The following MAP3K2 variants were observed in gnomAD, a reference collection of about 807,000 sequenced individuals.
MAP3K2 encodes the protein MAP/ERK kinase kinase 2.
MAP3K2 carries 24 observed loss-of-function variants against 80.3 expected under a neutral mutation model. The observed-to-expected ratio is 0.30, with a 90% CI of 0.22 to 0.42. The LOEUF is 0.42. Ranked by LOEUF, MAP3K2 falls within the 10% of genes least tolerant of loss-of-function variation. The pLI is 1.00. For synonymous variants in MAP3K2, 244 were observed against 253.7 expected, an observed-to-expected ratio of 0.96 and a Z score of 0.36; for missense variants, 608 against 750.1, an observed-to-expected ratio of 0.81 and a Z score of 2.21.
intron 1 of MAP3K2, among the ~76,000 whole-genome samples, chr2:127,385,784 CTTTAT>C (rs1687334771): frequency 6.6e-6 from 1 of 152,178 alleles, no homozygotes; most frequent in Non-Finnish European, 1.5e-5. Flanking sequence ...TCAAACATGA[CTTTAT>C]TTTAATACAG....
chr2:127,315,525 T>G (rs896262779), intron 14 of MAP3K2, among the ~76,000 whole-genome samples: 1 of 152,216 alleles, frequency 6.6e-6, no homozygotes, highest in Admixed American at 6.5e-5. Context: ...TGCAATTCTG[T>G]GGACCCAAAT....
intron 1 of MAP3K2, among the ~76,000 whole-genome samples, chr2:127,375,897 C>T (rs1034294863): frequency 2.0e-5 from 3 of 151,826 alleles, no homozygotes; most frequent in African/African-American, 4.9e-5. Context: ...ATATAGGTCA[C>T]TCCTTGATTG....
rs777020224 is a variant in MAP3K2, at chr2:127,371,252, GAAC to G, written c.-66+16197_-66+16199del. On this transcript the variant is annotated intron_variant, in intron 1 of 16. Coordinates refer to ENST00000682094, the MANE Select transcript of MAP3K2 (RefSeq NM_001371910.2). ...GAGGGCAGAATACGATGAGTTGTGC[GAAC>G]AACAAGCCAACCAGAACGAGGTGGC... 4.6e-5 allele frequency among the ~76,000 whole-genome samples: 7 copies of G among 152,236 alleles called. No homozygotes were observed. In the East Asian group the frequency reaches 1.4e-3, roughly 29 times the overall value.
chr2:127,317,752 A>G lies in MAP3K2; in HGVS notation c.1203T>C (p.Asn401=). 1.2e-6 allele frequency: 2 copies of G among 1,600,536 alleles called. No individual in the cohort carries two copies. The highest frequency in any genetic ancestry group is 1.7e-6 in the Non-Finnish European group (2 of 1,173,054). ...PDSPETSKEV[N]ALECEIQLLK... is the part of the protein sequence containing the mutation. ...GCAACTGAATTTCACACTCAAGTGC[A>G]TTTACTTCCTGAAAGAGAGAATTCA... Residue 401 remains asparagine, a synonymous_variant, in exon 14 of 17, where the codon AAT becomes AAC. Coordinates refer to ENST00000682094, the MANE Select transcript of MAP3K2 (RefSeq NM_001371910.2).
At chr2:127,347,296 T>C (rs1258868679) in intron 1 of MAP3K2, among the ~76,000 whole-genome samples, 2 of 152,028 alleles carry the variant, frequency 1.3e-5, no homozygotes, top group Non-Finnish European at 2.9e-5. Context: ...GAAGTAAAAC[T>C]ATACCCATTT....
intron 15 of MAP3K2, among the ~76,000 whole-genome samples, chr2:127,309,365 A>G (rs1465674630): frequency 1.3e-5 from 2 of 152,196 alleles, no homozygotes; most frequent in Admixed American, 6.5e-5. Flanking sequence ...CTTTTATAAT[A>G]AACTTTTTAG....
At chr2:127,329,486 A>G (rs1573986970) in intron 7 of MAP3K2, among the ~76,000 whole-genome samples, 1 of 151,816 alleles carries the variant, frequency 6.6e-6, no homozygotes, top group African/African-American at 2.4e-5. Flanking sequence ...CCTCCTGAGT[A>G]GCTGGGACTA....
At chr2:127,376,633 A>T (rs1415483175) in intron 1 of MAP3K2, among the ~76,000 whole-genome samples, 1 of 152,152 alleles carries the variant, frequency 6.6e-6, no homozygotes, top group Admixed American at 6.5e-5. Context: ...GGATGACAAA[A>T]ATGTTGAGCT....
chr2:127,317,928 T>C (rs1685938812), intron 13 of MAP3K2, among the ~76,000 whole-genome samples, 168 bp from the exon 14 acceptor site: 1 of 151,960 alleles, frequency 6.6e-6, no homozygotes, highest in South Asian at 2.1e-4. Flanking sequence ...GATGATATGC[T>C]AAAGCAACAC....
chr2:127,300,806 T>C lies in MAP3K2; in HGVS notation c.*6773A>G, dbSNP rs540275025. 1 of 152,210 alleles carries C rather than the reference T, an allele frequency of 6.6e-6. No homozygotes were observed. Among genetic ancestry groups the C allele is most frequent in the Non-Finnish European group, 1.5e-5 (1 of 68,018 alleles). 9.4% of individuals were successfully genotyped at this position (152,210 alleles called of 1,614,324 possible). ...TGCCCATAAGCCTCTCCAGCTCAAA[T>C]GTTTCAACTAGTCCTCTCTTCTTAT... On this transcript the variant is annotated 3_prime_UTR_variant, in exon 17 of 17. Transcript: ENST00000682094.
In MAP3K2 at chr2:127,387,568, AG is replaced by A. The variant is rs1687392321; in HGVS notation, c.-183del. On this transcript the variant is annotated 5_prime_UTR_variant, in exon 1 of 17. Coordinates refer to ENST00000682094, the MANE Select transcript of MAP3K2 (RefSeq NM_001371910.2). Reference sequence around the variant, plus strand: ...GCGGCCCCAGGTCGGGGGCTGCCGCAGGGCCCCCGGGGACCGGAGGGGCGCG... The same window carrying A: ...GCGGCCCCAGGTCGGGGGCTGCCGCAGGCCCCCGGGGACCGGAGGGGCGCG... The A allele has an allele frequency of 1.0e-6, 1 of 984,696 alleles. No homozygotes were observed. The highest frequency in any genetic ancestry group is 1.2e-6 in the Non-Finnish European group (1 of 829,666). 61.0% of individuals were successfully genotyped at this position (984,696 alleles called of 1,614,324 possible).
At chr2:127,353,439 G>T (rs570136187) in intron 1 of MAP3K2, among the ~76,000 whole-genome samples, 7 of 151,850 alleles carry the variant, frequency 4.6e-5, no homozygotes, top group African/African-American at 1.5e-4. Flanking sequence ...CCCCGTCTGA[G>T]AAGTGAGGAG....
intron 1 of MAP3K2, among the ~76,000 whole-genome samples, chr2:127,343,473 C>G (rs1686538637): frequency 6.6e-6 from 1 of 152,116 alleles, no homozygotes; most frequent in African/African-American, 2.4e-5. Flanking sequence ...CAGGAACTCT[C>G]CTGAAATCCA....
intron 1 of MAP3K2, among the ~76,000 whole-genome samples, chr2:127,368,918 T>G (rs1427427055): frequency 6.6e-6 from 1 of 151,996 alleles, no homozygotes; most frequent in Middle Eastern, 3.4e-3. Flanking sequence ...GCTTGTTGAA[T>G]TGTGACTAGT....
At chr2:127,367,731 T>C (rs1395937998) in intron 1 of MAP3K2, among the ~76,000 whole-genome samples, 2 of 152,066 alleles carry the variant, frequency 1.3e-5, no homozygotes, top group African/African-American at 2.4e-5. Context: ...AGGCGGACGT[T>C]GTGGTGAGCC....
intron 15 of MAP3K2, among the ~76,000 whole-genome samples, chr2:127,313,568 G>T (rs550716664): frequency 6.6e-6 from 1 of 152,126 alleles, no homozygotes; most frequent in Non-Finnish European, 1.5e-5. Flanking sequence ...CTGGGAGCTC[G>T]TAAGAGTCCC....
intron 1 of MAP3K2, among the ~76,000 whole-genome samples, chr2:127,371,182 A>G (rs1376936722): frequency 1.3e-5 from 2 of 152,236 alleles, no homozygotes; most frequent in Admixed American, 6.5e-5. Context: ...GGGACTGGTC[A>G]GTGCTAGCTA....
intron 1 of MAP3K2, among the ~76,000 whole-genome samples, chr2:127,369,022 A>G (rs901844662): frequency 1.3e-5 from 2 of 151,828 alleles, no homozygotes; most frequent in Admixed American, 1.3e-4. Context: ...ATCTCGGCTC[A>G]CTGCAACCTC....
Position 127,319,650 on chromosome 2 carries a change from C to CAAAAAAAAAAAAAAAAAAA in MAP3K2, c.1046-1352_1046-1334dup, listed in dbSNP as rs57472022. On this transcript the variant is annotated intron_variant, in intron 12 of 16. Transcript: ENST00000682094. The stretch of plus-strand genomic sequence containing the variant: ...TGAAACCCCATCTCTACTAAAAATA[C>CAAAAAAAAAAAAAAAAAAA]AAAAAAAAAAAAAAAAAAAAAAAAA... Among the ~76,000 whole-genome samples, 8 of 71,824 alleles carry CAAAAAAAAAAAAAAAAAAA rather than the reference C, an allele frequency of 1.1e-4. 1 individual carries two copies. Among genetic ancestry groups the CAAAAAAAAAAAAAAAAAAA allele is most frequent in the Non-Finnish European group, 1.2e-4 (5 of 41,598 alleles). 47.1% of individuals were successfully genotyped at this position (71,824 alleles called of 152,430 possible). A position where few individuals can be genotyped will look rare whatever the true frequency, so the allele number is the denominator to read the frequency against.
Sources: allele counts gnomAD v4.1 joint callset (sites outside exome capture counted in the v4.1 genomes callset), GRCh38; gene constraint gnomAD v4.1.1; transcripts MANE v1.5; gene names NCBI Gene and HGNC (gene_info 2026-07-23, HGNC 2026-07-21).